Variants in SCUBE1 observed in about 807,000 individuals in gnomAD.
The protein encoded by SCUBE1 is signal peptide, CUB and EGF-like domain-containing protein 1.
A neutral mutation model predicts 124.4 loss-of-function variants in SCUBE1; 59 were observed. The observed-to-expected ratio is 0.47, with a 90% CI of 0.38 to 0.59. SCUBE1 has a LOEUF of 0.59. SCUBE1 is among the 20% of genes least tolerant of loss of function. The pLI, the probability that SCUBE1 is intolerant of heterozygous loss-of-function variation, is 0.00. For missense variants in SCUBE1, 1,150 were observed against 1,371.2 expected (o/e 0.84, Z 2.55); for synonymous variants, 545 against 550.9 (o/e 0.99, Z 0.15).
intron 4 of SCUBE1, among the ~76,000 whole-genome samples, chr22:43,268,430 T>C (rs1332859712): frequency 1.3e-5 from 2 of 152,262 alleles, no homozygotes; most frequent in Non-Finnish European, 2.9e-5. Flanking sequence ...AGAGGCCTGA[T>C]GCCCGTCAGG....
chr22:43,227,833 T>C (rs373521292), intron 9 of SCUBE1, among the ~76,000 whole-genome samples: 6 of 152,172 alleles, frequency 3.9e-5, no homozygotes, highest in Non-Finnish European at 7.4e-5. Context: ...GCTCCAGGGA[T>C]TGTGAAACTG....
rs1215837028 is a variant in SCUBE1 at position 43,201,569 on chromosome 22, C to T, written c.*2428G>A. The T allele has an allele frequency of 6.6e-6, 1 of 151,884 alleles. No individual in the cohort carries two copies. Among genetic ancestry groups the T allele is most frequent in the African/African-American group, 2.4e-5 (1 of 41,326 alleles). 9.4% of individuals were successfully genotyped at this position (151,884 alleles called of 1,614,324 possible). ...GAAGGAGGAGGAAGGGAGAATCCTC[C>T]CTTTGGGAGCTGGGACATCCATCTT... On this transcript the variant is annotated 3_prime_UTR_variant, in exon 22 of 22. Coordinates refer to ENST00000360835, the MANE Select transcript of SCUBE1 (RefSeq NM_173050.5).
Position 43,339,213 on chromosome 22 carries a change from G to A in SCUBE1, c.111C>T (p.Cys37=), listed in dbSNP as rs1927185140. The change falls in exon 2 of 22, where the codon TGC becomes TGT. Residue 37 remains cysteine, a synonymous_variant. Coordinates refer to ENST00000360835, the MANE Select transcript of SCUBE1 (RefSeq NM_173050.5). ...GLPGSVDVDE[C]SEGTDDCHID... ...TGTGGCAGTCATCTGTGCCCTCTGA[G>A]CACTCATCCACGTCGACTGACCCTG... 1 of 1,613,600 alleles carries A rather than the reference G, an allele frequency of 6.2e-7. No individual in the cohort carries two copies. The highest frequency in any genetic ancestry group is 1.3e-5 in the African/African-American group (1 of 74,914).
At position 43,248,769 on chromosome 22, in the gene SCUBE1, G is replaced by C. The variant is rs146948357; in HGVS notation, c.727+9450C>G. On this transcript the variant is annotated intron_variant, in intron 6 of 21. Transcript: ENST00000360835. ...ATATCACCTCCCTCACCAGCACTCA[G>C]ACCTGCCTGAGTCCCTTCCCACTTC... Among the ~76,000 whole-genome samples, 703 of 152,336 alleles carry C rather than the reference G, an allele frequency of 4.6e-3. 2 individuals are homozygous for C. The highest frequency in any genetic ancestry group is 0.016 in the African/African-American group (663 of 41,584).
In SCUBE1 at chr22:43,343,361, A is replaced by G. The variant is rs1927400784; in HGVS notation, c.-100T>C. ...GCTGCTCGCTGCTCGCCGCTCCGCC[A>G]CCGCTCGGGCTCCCGAGCCGCCCAG... is the stretch of plus-strand genomic sequence containing the variant. On this transcript the variant is annotated 5_prime_UTR_variant, in exon 1 of 22. Transcript: ENST00000360835. 4.0e-6 allele frequency: 2 copies of G among 498,876 alleles called. No individual in the cohort carries two copies. Among genetic ancestry groups the G allele is most frequent in the South Asian group, 8.7e-5 (1 of 11,434 alleles). The allele number at this position is 498,876 out of a possible 1,614,324, so 30.9% of individuals were successfully genotyped here.
At chr22:43,326,006 G>A (rs1259685676) in intron 2 of SCUBE1, among the ~76,000 whole-genome samples, 1 of 151,240 alleles carries the variant, frequency 6.6e-6, no homozygotes, top group Non-Finnish European at 1.5e-5. Context: ...ACTCTGTGGT[G>A]TCTAGATTCT....
intron 4 of SCUBE1, chr22:43,272,530 A>G (rs1028193764): frequency 3.9e-5 from 6 of 152,140 alleles, no homozygotes; most frequent in Non-Finnish European, 7.3e-5. Context: ...TTCCACAAAT[A>G]TTTAGGGAGT....
rs1274416089 is a variant in SCUBE1, at chr22:43,249,757, C to G, written c.727+8462G>C. Among the ~76,000 whole-genome samples, 3 of 152,248 alleles carry G rather than the reference C, an allele frequency of 2.0e-5. No individual in the cohort carries two copies. The East Asian group carries it at 5.8e-4, about 29-fold the overall frequency. On this transcript the variant is annotated intron_variant, in intron 6 of 21. Transcript: ENST00000360835. ...AGCTCCTCTCTTCTCCCCCTGCCAGCAGGACAGTGGGCCCTGAGTGCAGCC... is the reference window on the plus strand; with the variant it reads ...AGCTCCTCTCTTCTCCCCCTGCCAGGAGGACAGTGGGCCCTGAGTGCAGCC...
chr22:43,281,493 C>T lies in SCUBE1; in HGVS notation c.484+9553G>A, dbSNP rs1471650653. ...CTCCTGTCACCTCCCTCTTTGGCCA[C>T]CCTCCTGTCACCTCCTCCTCAGCCA... is the stretch of plus-strand genomic sequence containing the variant. On this transcript the variant is annotated intron_variant, in intron 4 of 21. Coordinates refer to ENST00000360835, the MANE Select transcript of SCUBE1 (RefSeq NM_173050.5). Among the ~76,000 whole-genome samples the T allele has an allele frequency of 6.0e-4, 51 of 84,374 alleles. 1 individual carries two copies. Among genetic ancestry groups the T allele is most frequent in the Non-Finnish European group, 9.9e-4 (41 of 41,570 alleles). The allele number at this position is 84,374 out of a possible 152,430, so 55.4% of individuals were successfully genotyped here.
rs1208631465 is a variant in SCUBE1 at position 43,201,369 on chromosome 22, A to G, written c.*2628T>C. Reference sequence around the variant, plus strand: ...AACAAAAAACAAAACAAAAAAAACAAAACAAAAACATTTAAGTGTGATGGT... The same window carrying G: ...AACAAAAAACAAAACAAAAAAAACAGAACAAAAACATTTAAGTGTGATGGT... On this transcript the variant is annotated 3_prime_UTR_variant, in exon 22 of 22. Coordinates refer to ENST00000360835, the MANE Select transcript of SCUBE1 (RefSeq NM_173050.5). 6.6e-6 allele frequency: 1 copy of G among 152,086 alleles called. No homozygotes were observed. The highest frequency in any genetic ancestry group is 2.4e-5 in the African/African-American group (1 of 41,402). 9.4% of individuals were successfully genotyped at this position (152,086 alleles called of 1,614,324 possible).
chr22:43,232,745 A>T (rs1337077499), intron 7 of SCUBE1, among the ~76,000 whole-genome samples: 3 of 152,214 alleles, frequency 2.0e-5, no homozygotes, highest in Non-Finnish European at 4.4e-5. Context: ...TCTCCCTCCC[A>T]GCATGGCCTG....
chr22:43,341,370 G>A (rs1927311330), intron 1 of SCUBE1, among the ~76,000 whole-genome samples: 1 of 152,212 alleles, frequency 6.6e-6, no homozygotes, highest in South Asian at 2.1e-4. Flanking sequence ...GGCCAGAGAG[G>A]GCCCATCTCC....
At chr22:43,309,833 T>A (rs1425010246) in intron 3 of SCUBE1, among the ~76,000 whole-genome samples, 3 of 152,010 alleles carry the variant, frequency 2.0e-5, no homozygotes, top group African/African-American at 7.3e-5. Flanking sequence ...TCATATCTCA[T>A]CCACTGGCTG....
chr22:43,307,492 G>A (rs1248076292), intron 3 of SCUBE1, among the ~76,000 whole-genome samples: 1 of 152,216 alleles, frequency 6.6e-6, no homozygotes, highest in African/African-American at 2.4e-5. Flanking sequence ...GCTGGGACAA[G>A]GAGGACACGG....
rs72619554 is a variant in SCUBE1, at chr22:43,318,657, C to T, written c.349+1280G>A. 4.2e-3 allele frequency among the ~76,000 whole-genome samples: 632 copies of T among 152,286 alleles called. 26 individuals are homozygous for T. In the East Asian group the frequency reaches 0.11, roughly 27 times the overall value. ...AGAAAACACACCAGCACAACTAAGA[C>T]GCCTGCCAATTTCTTCTCCCTACTC... is the stretch of plus-strand genomic sequence containing the variant. On this transcript the variant is annotated intron_variant, in intron 3 of 21. Coordinates refer to ENST00000360835, the MANE Select transcript of SCUBE1 (RefSeq NM_173050.5).
At chr22:43,292,556 AACACACACACACACACAC>A (rs3985926) in intron 3 of SCUBE1, among the ~76,000 whole-genome samples, 1 of 139,600 alleles carries the variant, frequency 7.2e-6, no homozygotes, top group Non-Finnish European at 1.5e-5. Context: ...CCCGGTCCCT[AACACACACACACACACAC>A]ACACACACAC....
At chr22:43,230,963 A>G (rs2146678561) in intron 8 of SCUBE1, among the ~76,000 whole-genome samples, 1 of 152,300 alleles carries the variant, frequency 6.6e-6, no homozygotes, top group East Asian at 1.9e-4. Flanking sequence ...CCCGTGGGCA[A>G]AAAACCACCA....
intron 3 of SCUBE1, among the ~76,000 whole-genome samples, chr22:43,302,352 C>G (rs113105911): frequency 7.3e-4 from 111 of 152,310 alleles, no homozygotes; most frequent in African/African-American, 2.5e-3. Flanking sequence ...TTGAGCTGGG[C>G]AGAGTTTCAG....
chr22:43,230,749 G>T (rs1331743633), intron 8 of SCUBE1, among the ~76,000 whole-genome samples: 1 of 152,194 alleles, frequency 6.6e-6, no homozygotes, highest in African/African-American at 2.4e-5. Flanking sequence ...GCTGGCCTGG[G>T]GCACACATGA....
Sources: gnomAD v4.1 joint callset for allele counts (sites outside exome capture counted in the v4.1 genomes callset) on GRCh38, gnomAD v4.1.1 for gene constraint, MANE v1.5 for transcripts, NCBI Gene and HGNC (gene_info 2026-07-23, HGNC 2026-07-21) for gene names.